Variants in MYBL2 observed in about 807,000 individuals in gnomAD.
MYBL2 encodes myb-related protein B.
A neutral mutation model predicts 79.9 loss-of-function variants in MYBL2; 28 were observed. The observed-to-expected ratio is 0.35, with a 90% CI of 0.26 to 0.48. The LOEUF (loss-of-function observed/expected upper bound fraction) is 0.48. Ranked by LOEUF, MYBL2 falls within the 20% of genes least tolerant of loss-of-function variation. The pLI, the probability that MYBL2 is intolerant of heterozygous loss-of-function variation, is 0.99. For missense variants in MYBL2, 735 were observed against 893.9 expected, an observed-to-expected ratio of 0.82 and a Z score of 2.27; for synonymous variants, 378 against 361.2, an observed-to-expected ratio of 1.05 and a Z score of -0.53.
intron 1 of MYBL2, among the ~76,000 whole-genome samples, chr20:43,670,109 T>C (rs1355459430): frequency 8.5e-5 from 13 of 152,104 alleles, no homozygotes; most frequent in South Asian, 4.2e-4. Flanking sequence ...TATCTCAAAA[T>C]AAACAAACAA....
intron 2 of MYBL2, among the ~76,000 whole-genome samples, chr20:43,678,190 A>T (rs1987058650): frequency 6.6e-6 from 1 of 152,128 alleles, no homozygotes. Flanking sequence ...TCCTCTGCCT[A>T]GGAAAACCAG....
chr20:43,709,973 C>A lies in MYBL2; in HGVS notation c.1516C>A (p.Pro506Thr). The A allele has an allele frequency of 6.2e-7, 1 of 1,606,084 alleles. No homozygotes were observed. The highest frequency in any genetic ancestry group is 8.5e-7 in the Non-Finnish European group (1 of 1,176,214). ...LHQKHAAFVT[P>T]DQKYSMDNTP... ...TCTGGCCCCTGGCAGGTTTGTAACC[C>A]CAGATCAGAAGTACTCCATGGACAA... Residue 506 changes from proline (P) to threonine (T), a missense_variant, in exon 10 of 14, where the codon CCA becomes ACA. Pro to Thr is a conservative substitution (Grantham distance 38). Around this residue, in one of 5 missense-constraint regions of MYBL2, gnomAD observed 243 missense variants for 327.2 expected, o/e 0.74. Coordinates refer to ENST00000217026, the MANE Select transcript of MYBL2 (RefSeq NM_002466.4).
At chr20:43,697,845 G>C (rs1239977881) in intron 6 of MYBL2, among the ~76,000 whole-genome samples, 1 of 151,600 alleles carries the variant, frequency 6.6e-6, no homozygotes, top group Non-Finnish European at 1.5e-5. Flanking sequence ...AACCTGGGAG[G>C]TGGAGCTTGC....
chr20:43,706,628 A>G (rs1202382310), intron 9 of MYBL2, among the ~76,000 whole-genome samples: 1 of 150,086 alleles, frequency 6.7e-6, no homozygotes, highest in Non-Finnish European at 1.5e-5. Context: ...AGCGCTTGGG[A>G]GGCCAAGGTG....
chr20:43,698,371 TTTTTTTTTTTTTTTTTTTTTTTTTG>T (rs1987603440), intron 6 of MYBL2, among the ~76,000 whole-genome samples: 1 of 81,886 alleles, frequency 1.2e-5, no homozygotes. Context: ...TTTTTTTTTT[TTTTTTTTTTTTTTTTTTTTTTTTTG>T]AGACAGAGTC....
intron 1 of MYBL2, among the ~76,000 whole-genome samples, chr20:43,669,719 C>T (rs944601485): frequency 2.6e-5 from 4 of 152,170 alleles, no homozygotes; most frequent in East Asian, 1.9e-4. Context: ...CCTCAATTTC[C>T]GCATCTGTTA....
chr20:43,692,266 C>T lies in MYBL2; in HGVS notation c.610C>T (p.Leu204=). The T allele has an allele frequency of 3.1e-6, 5 of 1,614,200 alleles. No homozygotes were observed. The highest frequency in any genetic ancestry group is 4.2e-6 in the Non-Finnish European group (5 of 1,180,034). Residue 204 remains leucine (L), a synonymous_variant, in exon 6 of 14, where the codon CTG becomes TTG. Coordinates refer to ENST00000217026, the MANE Select transcript of MYBL2 (RefSeq NM_002466.4). ...KDCKPPVYLL[L]ELEDKDGLQS... ...CTGCAAGCCCCCAGTGTACTTGCTG[C>T]TGGAGCTCGAGGACAAGGACGGCCT...
Position 43,674,234 on chromosome 20 carries a change from C to CTTT in MYBL2, c.114+352_114+354dup, listed in dbSNP as rs1555809925. The stretch of plus-strand genomic sequence containing the variant: ...GGCCAAATCTGTAACTCCCCCCACC[C>CTTT]TTTTTTTTTTTTTTTTTTTGAGACA... On this transcript the variant is annotated intron_variant, in intron 2 of 13. Coordinates refer to ENST00000217026, the MANE Select transcript of MYBL2 (RefSeq NM_002466.4). 5.0e-4 allele frequency among the ~76,000 whole-genome samples: 36 copies of CTTT among 72,234 alleles called. 1 individual carries two copies. Among genetic ancestry groups the CTTT allele is most frequent in the South Asian group, 1.2e-3 (2 of 1,718 alleles). The allele number at this position is 72,234 out of a possible 152,430, so 47.4% of individuals were successfully genotyped here.
chr20:43,697,474 G>A (rs1259821879), intron 6 of MYBL2, among the ~76,000 whole-genome samples: 1 of 151,820 alleles, frequency 6.6e-6, no homozygotes, highest in Non-Finnish European at 1.5e-5. Context: ...AACCGGGTGT[G>A]GTGGTGCACG....
At chr20:43,669,056 G>A (rs1043725854) in intron 1 of MYBL2, among the ~76,000 whole-genome samples, 1 of 152,158 alleles carries the variant, frequency 6.6e-6, no homozygotes, top group Admixed American at 6.6e-5. Flanking sequence ...GTAGAGATGG[G>A]TTTCACTGTG....
At chr20:43,701,132 C>T (rs922475105) in intron 7 of MYBL2, among the ~76,000 whole-genome samples, 2 of 152,212 alleles carry the variant, frequency 1.3e-5, no homozygotes, top group Admixed American at 1.3e-4. Flanking sequence ...CGGTGACCTC[C>T]AGGAACAGGA....
At chr20:43,670,233 G>A (rs952273562) in intron 1 of MYBL2, among the ~76,000 whole-genome samples, 2 of 152,328 alleles carry the variant, frequency 1.3e-5, no homozygotes, top group Non-Finnish European at 1.5e-5. Flanking sequence ...GGATGCTGGA[G>A]AAGCAAAGAT....
At chr20:43,698,627 C>G (rs1987611757) in intron 6 of MYBL2, among the ~76,000 whole-genome samples, 1 of 149,868 alleles carries the variant, frequency 6.7e-6, no homozygotes. Context: ...ATCCGCCCGT[C>G]TCGGCCTCCC....
At chr20:43,702,332 T>A (rs1227922362) in intron 7 of MYBL2, among the ~76,000 whole-genome samples, 158 bp from the exon 8 acceptor site, 1 of 152,140 alleles carries the variant, frequency 6.6e-6, no homozygotes, top group Non-Finnish European at 1.5e-5. Flanking sequence ...AAAATATAGA[T>A]GTATAGTCAT....
chr20:43,678,427 A>G (rs981563432), intron 2 of MYBL2, among the ~76,000 whole-genome samples: 1 of 152,142 alleles, frequency 6.6e-6, no homozygotes, highest in African/African-American at 2.4e-5. Context: ...CTCTCAATGC[A>G]GAGCCAGGTT....
intron 9 of MYBL2, among the ~76,000 whole-genome samples, chr20:43,707,140 C>T (rs920326174): frequency 8.0e-5 from 12 of 150,390 alleles, no homozygotes; most frequent in African/African-American, 2.2e-4. Context: ...TGATTGGCTA[C>T]TGCACTCCAG....
chr20:43,697,016 C>T (rs1171247983), intron 6 of MYBL2, among the ~76,000 whole-genome samples: 2 of 152,272 alleles, frequency 1.3e-5, no homozygotes, highest in African/African-American at 2.4e-5. Flanking sequence ...TGAGCCACTG[C>T]GCCCGGCCGG....
intron 6 of MYBL2, among the ~76,000 whole-genome samples, chr20:43,696,355 C>T (rs1987541404): frequency 2.0e-5 from 3 of 151,872 alleles, no homozygotes; most frequent in Admixed American, 1.3e-4. Flanking sequence ...ATTCTCCTGC[C>T]TCAGCCTGCC....
At chr20:43,707,547 AT>A (rs752558601) in intron 9 of MYBL2, among the ~76,000 whole-genome samples, 22 of 151,646 alleles carry the variant, frequency 1.5e-4, no homozygotes, top group Non-Finnish European at 4.4e-5. Context: ...TAATTTTTAT[AT>A]TTTTTTGCTA....
Sources: allele counts gnomAD v4.1 joint callset (sites outside exome capture counted in the v4.1 genomes callset), GRCh38; gene constraint gnomAD v4.1.1; regional missense constraint gnomAD v4.1.1; transcripts MANE v1.5; gene names NCBI Gene and HGNC (gene_info 2026-07-23, HGNC 2026-07-21).